MAPK13: variants seen among roughly 807,000 people sequenced by gnomAD.
The protein encoded by MAPK13 is mitogen-activated protein kinase 13.
MAPK13 carries 39 observed loss-of-function variants against 53.5 expected under a neutral mutation model. The observed-to-expected ratio is 0.73, with a 90% confidence interval of 0.56 to 0.95. MAPK13 has a LOEUF of 0.95. MAPK13 is among the 40% of genes least tolerant of loss of function. The probability of loss-of-function intolerance (pLI) is 0.00; values close to 1 mark genes in which losing one functional copy is unlikely to be tolerated. For missense variants in MAPK13, 460 were observed against 471.8 expected, an observed-to-expected ratio of 0.98 and a Z score of 0.23; for synonymous variants, 179 against 190.9, an observed-to-expected ratio of 0.94 and a Z score of 0.51.
chr6:36,137,958 CAAAAAA>C (rs35527328), intron 8 of MAPK13, among the ~76,000 whole-genome samples: 9 of 83,386 alleles, frequency 1.1e-4, no homozygotes, highest in Non-Finnish European at 1.3e-4. Context: ...GACCCTGTCT[CAAAAAA>C]AAAAAAAAAA....
intron 2 of MAPK13, among the ~76,000 whole-genome samples, chr6:36,132,141 C>T (rs996916822): frequency 1.3e-4 from 20 of 152,242 alleles, no homozygotes; most frequent in African/African-American, 4.6e-4. Context: ...CTATGGCCTC[C>T]AGCCAGGGTG....
At chr6:36,134,881 G>A (rs569243257) in intron 3 of MAPK13, among the ~76,000 whole-genome samples, 1 of 152,310 alleles carries the variant, frequency 6.6e-6, no homozygotes, top group South Asian at 2.1e-4. Context: ...GGGCGTTCTG[G>A]CGTGCACCTG....
chr6:36,136,392 C>A, intron 5 of MAPK13, 92 bp from the exon 6 acceptor site: 1 of 1,096,714 alleles, frequency 9.1e-7, no homozygotes, highest in Non-Finnish European at 1.3e-6. Context: ...GGGGAAGGGG[C>A]CTGGCTGAGG....
intron 3 of MAPK13, among the ~76,000 whole-genome samples, chr6:36,133,337 A>G (rs1766354986): frequency 1.3e-5 from 2 of 152,232 alleles, no homozygotes; most frequent in South Asian, 4.1e-4. Flanking sequence ...CACTGGCAGC[A>G]GCAAGAAAGG....
At position 36,143,933 on chromosome 6, in the gene MAPK13, A is replaced by G. The variant is rs986398793; in HGVS notation, c.*4560A>G. 6 of 152,190 alleles carry G rather than the reference A, an allele frequency of 3.9e-5. No homozygotes were observed. The highest frequency in any genetic ancestry group is 1.4e-4 in the African/African-American group (6 of 41,452). 9.4% of individuals were successfully genotyped at this position (152,190 alleles called of 1,614,324 possible). Reference sequence around the variant, plus strand: ...TCTGGGCGGGTGGCATGTGAGTGTCAACAGGGCCCCTCTCAGTCAGGGGCT... The same window carrying G: ...TCTGGGCGGGTGGCATGTGAGTGTCGACAGGGCCCCTCTCAGTCAGGGGCT... On this transcript the variant is annotated 3_prime_UTR_variant, in exon 12 of 12. Coordinates refer to ENST00000211287, the MANE Select transcript of MAPK13 (RefSeq NM_002754.5).
chr6:36,137,496 C>T (rs1766440279), intron 8 of MAPK13, among the ~76,000 whole-genome samples: 1 of 151,536 alleles, frequency 6.6e-6, no homozygotes, highest in Non-Finnish European at 1.5e-5. Context: ...GCCTGGGTGA[C>T]AGAGCAAGAC....
At chr6:36,138,621 TGCTCTGAG>T (rs1233166126) in intron 9 of MAPK13, 73 bp from the exon 10 acceptor site, 1 of 1,438,126 alleles carries the variant, frequency 7.0e-7, no homozygotes, top group Non-Finnish European at 9.8e-7. Flanking sequence ...CTTTCAGCCC[TGCTCTGAG>T]GCTTTTCTGA....
chr6:36,132,778 C>T lies in MAPK13; in HGVS notation c.308+99C>T, dbSNP rs1050314051. On this transcript the variant is annotated intron_variant, in intron 3 of 11. Transcript: ENST00000211287. ...TCTAGGGTTTCTATTCCGGGTGTGGCGGGGAGAGCCTCCTTCCCTGGCAGT... is the reference window on the plus strand; with the variant it reads ...TCTAGGGTTTCTATTCCGGGTGTGGTGGGGAGAGCCTCCTTCCCTGGCAGT... 1.2e-4 allele frequency: 151 copies of T among 1,249,878 alleles called. 1 individual carries two copies. The African/African-American group carries it at 1.8e-3, about 15-fold the overall frequency. The allele number at this position is 1,249,878 out of a possible 1,614,324, so 77.4% of individuals were successfully genotyped here.
intron 3 of MAPK13, among the ~76,000 whole-genome samples, chr6:36,134,638 T>G (rs1364391747): frequency 6.6e-6 from 1 of 151,998 alleles, no homozygotes; most frequent in East Asian, 1.9e-4. Flanking sequence ...CCTCAAGTGA[T>G]CCTCCCACCT....
In MAPK13 at chr6:36,142,866, A is replaced by G. The variant is rs2127488425; in HGVS notation, c.*3493A>G. 1 of 150,950 alleles carries G rather than the reference A, an allele frequency of 6.6e-6. No individual in the cohort carries two copies. The highest frequency in any genetic ancestry group is 2.4e-5 in the African/African-American group (1 of 41,356). 9.4% of individuals were successfully genotyped at this position (150,950 alleles called of 1,614,324 possible). A position where few individuals can be genotyped will look rare whatever the true frequency, so the allele number is the denominator to read the frequency against. On this transcript the variant is annotated 3_prime_UTR_variant, in exon 12 of 12. Coordinates refer to ENST00000211287, the MANE Select transcript of MAPK13 (RefSeq NM_002754.5). The surrounding 1 kb of genome is among the most constrained non-coding windows in gnomAD (Gnocchi z 4.4). The stretch of plus-strand genomic sequence containing the variant: ...AGGCGGTGGAGGTGCTCAGCAGTGC[A>G]AGGTGGGGGGTGGAGGGGGTGGGGA...
chr6:36,134,259 G>A (rs984346281), intron 3 of MAPK13, among the ~76,000 whole-genome samples: 10 of 152,080 alleles, frequency 6.6e-5, no homozygotes, highest in Admixed American at 2.6e-4. Flanking sequence ...TGTGTGGTCC[G>A]GCAGGAGAGG....
chr6:36,138,430 C>G lies in MAPK13; in HGVS notation c.748C>G (p.Leu250Val), dbSNP rs746445436. The G allele has an allele frequency of 2.5e-6, 4 of 1,614,082 alleles. No individual in the cohort carries two copies. The highest frequency in any genetic ancestry group is 3.4e-6 in the Non-Finnish European group (4 of 1,180,004). The change falls in exon 9 of 12, where the codon CTG (leucine) becomes GTG (valine). Residue 250 changes from leucine to valine, a missense_variant. Physicochemically the swap from Leu to Val is conservative, Grantham distance 32 (BLOSUM62 1). Transcript: ENST00000211287. ...GCCTGGCACGGAGTTTGTGCAGAAG[C>G]TGAACGACAAAGCGGTGGGTGGTAA... ...GVPGTEFVQK[L>V]NDKAAKSYIQ...
rs1478182848 is a variant in MAPK13, at chr6:36,141,738, A to G, written c.*2365A>G. 1 of 152,294 alleles carries G rather than the reference A, an allele frequency of 6.6e-6. No individual in the cohort carries two copies. 9.4% of individuals were successfully genotyped at this position (152,294 alleles called of 1,614,324 possible). ...TTGGGTCAGACACCCACAGCTAGGA[A>G]GTGGTGGAGTCAGATTGGAACCCAA... On this transcript the variant is annotated 3_prime_UTR_variant, in exon 12 of 12. Coordinates refer to ENST00000211287, the MANE Select transcript of MAPK13 (RefSeq NM_002754.5).
At chr6:36,137,660 A>C (rs113515924) in intron 8 of MAPK13, among the ~76,000 whole-genome samples, 57,274 of 148,690 alleles carry the variant, frequency 0.39, 12,363 homozygotes, top group East Asian at 0.69. Context: ...AAAAAAAAAA[A>C]AAAAAAAAAC....
chr6:36,139,153 ACCT>A (rs1372991196), intron 11 of MAPK13, 98 bp downstream of exon 11: 5 of 1,399,450 alleles, frequency 3.6e-6, no homozygotes, highest in African/African-American at 3.0e-5. Flanking sequence ...CCTACCTGCC[ACCT>A]CCTTCTTGGT....
In MAPK13 at chr6:36,139,574, G is replaced by A. The variant is rs1581888023; in HGVS notation, c.*201G>A. The A allele has an allele frequency of 7.2e-6, 4 of 559,046 alleles. No individual in the cohort carries two copies. The South Asian group carries it at 8.6e-5, about 12-fold the overall frequency. 34.6% of individuals were successfully genotyped at this position (559,046 alleles called of 1,614,324 possible). ...ACTAGCTCTGATCCTAACAGGCCAC[G>A]TTAAACTGCCCATCTGGAGAATCGC... On this transcript the variant is annotated 3_prime_UTR_variant, in exon 12 of 12. Coordinates refer to ENST00000211287, the MANE Select transcript of MAPK13 (RefSeq NM_002754.5).
chr6:36,137,089 G>A, intron 8 of MAPK13, 139 bp downstream of exon 8: 2 of 738,118 alleles, frequency 2.7e-6, no homozygotes, highest in South Asian at 3.5e-5. Context: ...TGCAGATAAG[G>A]CTGGACGCAG....
Position 36,131,420 on chromosome 6 carries a change from G to A in MAPK13, c.249+20G>A. 1 of 1,605,274 alleles carries A rather than the reference G, an allele frequency of 6.2e-7. No homozygotes were observed. Among genetic ancestry groups the A allele is most frequent in the Non-Finnish European group, 8.5e-7 (1 of 1,174,838 alleles). On this transcript the variant is annotated intron_variant, in intron 2 of 11. Transcript: ENST00000211287. ...GAGAACGTAGGTGGTGGCTGCCCCG[G>A]GGAGGGGGTGGGGGCTGCCCTGGGG... is the stretch of plus-strand genomic sequence containing the variant.
At chr6:36,131,471 C>G in intron 2 of MAPK13, 71 bp downstream of exon 2, 2 of 1,488,464 alleles carry the variant, frequency 1.3e-6, no homozygotes, top group Non-Finnish European at 1.8e-6. Flanking sequence ...CAGGCGGGGC[C>G]TCCCGGTATG....
Sources: allele counts gnomAD v4.1 joint callset (sites outside exome capture counted in the v4.1 genomes callset), GRCh38; gene constraint gnomAD v4.1.1; non-coding constraint Gnocchi (gnomAD v3.1); transcripts MANE v1.5; gene names NCBI Gene and HGNC (gene_info 2026-07-23, HGNC 2026-07-21).